Variants in ADGRG1 observed in about 807,000 individuals in gnomAD.
ADGRG1 encodes the protein adhesion G protein-coupled receptor G1.
In ADGRG1, 53 loss-of-function variants were observed where a neutral mutation model predicts 73.5. The observed-to-expected ratio is 0.72, with a 90% CI of 0.58 to 0.91. The LOEUF (loss-of-function observed/expected upper bound fraction) is 0.91. Ranked by LOEUF, ADGRG1 falls within the 40% of genes least tolerant of loss-of-function variation. The probability of loss-of-function intolerance (pLI) is 0.00; values close to 1 mark genes in which losing one functional copy is unlikely to be tolerated. For missense variants in ADGRG1, 795 were observed against 871.8 expected, an observed-to-expected ratio of 0.91 and a Z score of 1.11; for synonymous variants, 394 against 374.4, an observed-to-expected ratio of 1.05 and a Z score of -0.60.
upstream of ADGRG1, chr16:57,622,850 G>A (rs563649345): frequency 2.1e-5 from 21 of 985,366 alleles, no homozygotes; most frequent in African/African-American, 2.8e-4. Flanking sequence ...GTCAGCAGGC[G>A]GGGGTGGACC....
At chr16:57,634,282 C>T in intron 1 of ADGRG1, 2 of 985,330 alleles carry the variant, frequency 2.0e-6, no homozygotes, top group South Asian at 4.7e-5. Flanking sequence ...AGACAACTGC[C>T]CAGACCCACC....
intron 3 of ADGRG1, 53 bp downstream of exon 3, chr16:57,651,675 G>A: frequency 1.3e-6 from 2 of 1,572,400 alleles, no homozygotes; most frequent in South Asian, 1.1e-5. Context: ...TAGAGGCAGG[G>A]AAGGCAAAAT....
chr16:57,646,851 T>A (rs1298520675), intron 1 of ADGRG1: 3 of 861,676 alleles, frequency 3.5e-6, no homozygotes, highest in Middle Eastern at 5.8e-4. Flanking sequence ...ACTAACATTA[T>A]CATTGCGGGG....
intron 1 of ADGRG1, among the ~76,000 whole-genome samples, chr16:57,637,028 G>A (rs2039530703): frequency 6.6e-6 from 1 of 152,192 alleles, no homozygotes; most frequent in African/African-American, 2.4e-5. Context: ...GATGTGCTAT[G>A]CTGAGGGAAA....
At chr16:57,654,600 C>G (rs1316582793) in intron 5 of ADGRG1, among the ~76,000 whole-genome samples, 2 of 152,158 alleles carry the variant, frequency 1.3e-5, no homozygotes, top group Non-Finnish European at 2.9e-5. Context: ...CTTTGCAAGG[C>G]TAGGTGCAGT....
At position 57,655,421 on chromosome 16, in the gene ADGRG1, A is replaced by G; in HGVS notation, c.791A>G (p.Glu264Gly). The G allele has an allele frequency of 6.2e-7, 1 of 1,613,612 alleles. No homozygotes were observed. The highest frequency in any genetic ancestry group is 8.5e-7 in the Non-Finnish European group (1 of 1,180,004). ...RQEEEQSEIM[E>G]YSVLLPRTLF... ...CAGGAGGAGCAGAGCGAGATCATGG[A>G]GTACTCGGTGCTGCTGCCTCGAACA... The change falls in exon 6 of 14, where the codon GAG becomes GGG. Residue 264 changes from glutamate to glycine, a missense_variant. Physicochemically the swap from Glu to Gly is moderately conservative, Grantham distance 98 (BLOSUM62 -2). Coordinates refer to ENST00000562631, the MANE Select transcript of ADGRG1 (RefSeq NM_201525.4).
chr16:57,656,491 G>T, intron 8 of ADGRG1, 23 bp from the exon 9 acceptor site: 2 of 1,592,804 alleles, frequency 1.3e-6, no homozygotes, highest in Non-Finnish European at 1.7e-6. Context: ...CTTGATTGGA[G>T]CCCCGTGCTG....
chr16:57,659,847 G>A (rs1478017189), intron 11 of ADGRG1, among the ~76,000 whole-genome samples, 166 bp downstream of exon 11: 1 of 152,170 alleles, frequency 6.6e-6, no homozygotes, highest in East Asian at 1.9e-4. Context: ...GTCCCCTTTA[G>A]GAAGAAGCAG....
chr16:57,623,295 T>A (rs528971967), upstream of ADGRG1: 2,675 of 937,490 alleles, frequency 2.9e-3, 2 homozygotes, highest in Non-Finnish European at 3.3e-3. Context: ...GGAGCCCGAC[T>A]GGCATCCGGG....
rs567813168 is a variant in ADGRG1, at chr16:57,631,307, C to T, written c.-36+2505C>T. On this transcript the variant is annotated intron_variant, in intron 1 of 13. Coordinates refer to ENST00000562631, the MANE Select transcript of ADGRG1 (RefSeq NM_201525.4). ...CAGGACAGCCATGGAGGGACCACTG[C>T]GGACCGTCCTCCAGCCGGACTGGGA... 105 of 985,792 alleles carry T rather than the reference C, an allele frequency of 1.1e-4. 1 individual carries two copies. In the African/African-American group the frequency reaches 1.4e-3, roughly 13 times the overall value. 61.1% of individuals were successfully genotyped at this position (985,792 alleles called of 1,614,324 possible). A position where few individuals can be genotyped will look rare whatever the true frequency, so the allele number is the denominator to read the frequency against.
intron 13 of ADGRG1, among the ~76,000 whole-genome samples, chr16:57,662,690 C>T (rs935092127): frequency 6.6e-6 from 1 of 150,984 alleles, no homozygotes; most frequent in African/African-American, 2.4e-5. Context: ...CAGATGGCGG[C>T]GGGTCGGGGC....
At chr16:57,640,358 G>C (rs1315876584) in intron 1 of ADGRG1, 2 of 152,302 alleles carry the variant, frequency 1.3e-5, no homozygotes, top group African/African-American at 4.8e-5. Context: ...TTACTTGCTA[G>C]CTGTGTGACC....
At chr16:57,621,003 C>T (rs1449324733) in exon 1 of ADGRG1, 7 of 152,188 alleles carry the variant, frequency 4.6e-5, no homozygotes, top group East Asian at 1.9e-4. Context: ...GCAGTAGGCC[C>T]CTCCCCTGGT....
intron 10 of ADGRG1, 164 bp from the exon 11 acceptor site, chr16:57,659,245 TGTGG>T (rs1164755425): frequency 6.7e-7 from 1 of 1,487,898 alleles, no homozygotes; most frequent in Non-Finnish European, 8.9e-7. Context: ...CACAGGGGGA[TGTGG>T]GGAACAGTTT....
At chr16:57,623,825 T>C, upstream of ADGRG1, 1 of 985,334 alleles carries the variant, frequency 1.0e-6, no homozygotes, top group Non-Finnish European at 1.2e-6. Context: ...CCAGGAGGCT[T>C]TCCCACAGGA....
chr16:57,635,638 C>T (rs1214533153), intron 1 of ADGRG1: 7 of 984,664 alleles, frequency 7.1e-6, no homozygotes, highest in African/African-American at 7.0e-5. Context: ...GGTCCAACCC[C>T]GCCCCTGTTC....
chr16:57,661,656 C>A lies in ADGRG1; in HGVS notation c.1665-41C>A, dbSNP rs17240890. ...CAACCACAGCCCAGGAAATGCTGCC[C>A]GTGCTGGCCACACGCTGAGCCCTCC... On this transcript the variant is annotated intron_variant, in intron 12 of 13. Transcript: ENST00000562631. 8.8e-6 allele frequency: 14 copies of A among 1,591,720 alleles called. No individual in the cohort carries two copies. In the African/African-American group the frequency reaches 1.7e-4, roughly 20 times the overall value.
chr16:57,654,165 C>T lies in ADGRG1; in HGVS notation c.768+32C>T, dbSNP rs375121099. The stretch of plus-strand genomic sequence containing the variant: ...GGCAGGCCTGGGCAGGAAGCAGATG[C>T]GGGTTGGGCCGGGGCCAGATGGAGG... On this transcript the variant is annotated intron_variant, in intron 5 of 13. Transcript: ENST00000562631. 2.3e-5 allele frequency: 36 copies of T among 1,598,576 alleles called. No homozygotes were observed. In the Middle Eastern group the frequency reaches 5.0e-4, roughly 22 times the overall value.
intron 1 of ADGRG1, chr16:57,637,520 C>T: frequency 1.0e-6 from 1 of 985,416 alleles, no homozygotes; most frequent in Non-Finnish European, 1.2e-6. Flanking sequence ...AGCACAGGAT[C>T]CTTTGATGCA....
Sources: gnomAD v4.1 joint callset for allele counts (sites outside exome capture counted in the v4.1 genomes callset) on GRCh38, gnomAD v4.1.1 for gene constraint, MANE v1.5 for transcripts, NCBI Gene and HGNC (gene_info 2026-07-23, HGNC 2026-07-21) for gene names.